ZFAND1: variants seen among roughly 807,000 people sequenced by gnomAD.
ZFAND1 encodes zinc finger AN1-type containing 1.
In ZFAND1, 40 loss-of-function variants were observed where a neutral mutation model predicts 38.5. That is an observed-to-expected ratio of 1.04 (90% CI 0.81 to 1.35). The LOEUF (loss-of-function observed/expected upper bound fraction) is 1.35, where lower values mean the gene tolerates loss of function less well. ZFAND1 is among the 40% of genes most tolerant of loss of function. ZFAND1 has a pLI of 0.00. For missense variants in ZFAND1, 346 were observed against 316.3 expected (o/e 1.09, Z -0.71); for synonymous variants, 117 against 103.6 (o/e 1.13, Z -0.78).
intron 6 of ZFAND1, among the ~76,000 whole-genome samples, chr8:81,703,575 A>G (rs147455251): frequency 8.5e-5 from 13 of 152,294 alleles, no homozygotes; most frequent in African/African-American, 3.1e-4. Flanking sequence ...GGCACGTGCC[A>G]CCAGGCCCAG....
rs577008914 is a variant in ZFAND1, at chr8:81,703,210, G to A, written c.481-86C>T. 1.1e-5 allele frequency: 11 copies of A among 960,920 alleles called. No homozygotes were observed. In the South Asian group the frequency reaches 2.4e-4, roughly 21 times the overall value. The allele number at this position is 960,920 out of a possible 1,614,324, so 59.5% of individuals were successfully genotyped here. A position where few individuals can be genotyped will look rare whatever the true frequency, so the allele number is the denominator to read the frequency against. On this transcript the variant is annotated intron_variant, in intron 6 of 7. Transcript: ENST00000220669. Reference sequence around the variant, plus strand: ...TGGTGCCAACCGTTCCTCTCTTCTGGTCAGAGCAGAATTACCTTCTAACAA... The same window carrying A: ...TGGTGCCAACCGTTCCTCTCTTCTGATCAGAGCAGAATTACCTTCTAACAA...
chr8:81,708,268 A>AG (rs60820897), intron 6 of ZFAND1, among the ~76,000 whole-genome samples: 3 of 150,220 alleles, frequency 2.0e-5, no homozygotes, highest in Admixed American at 1.3e-4. Flanking sequence ...AAAAAAAAAA[A>AG]GGCTAATGCA....
chr8:81,718,873 T>C (rs1249820783), intron 1 of ZFAND1, among the ~76,000 whole-genome samples: 4 of 151,760 alleles, frequency 2.6e-5, no homozygotes, highest in Non-Finnish European at 4.4e-5. Context: ...TCTATATATG[T>C]ATGTAAATAA....
chr8:81,720,887 A>AAT, intron 1 of ZFAND1: 2 of 421,302 alleles, frequency 4.7e-6, no homozygotes, highest in Non-Finnish European at 8.6e-6. Context: ...CCTTCCAAGG[A>AAT]GACCACACGT....
chr8:81,717,306 A>C lies in ZFAND1; in HGVS notation c.99-18T>G. On this transcript the variant is annotated intron_variant, in intron 2 of 7. Transcript: ENST00000220669. ...GTTCAAGGCTTAAATAATAATAGCA[A>C]GTGTTTATTTAAATAACATACTTAA... The C allele has an allele frequency of 2.0e-6, 3 of 1,512,128 alleles. No individual in the cohort carries two copies. The highest frequency in any genetic ancestry group is 2.6e-6 in the Non-Finnish European group (3 of 1,138,910). The allele number at this position is 1,512,128 out of a possible 1,614,324, so 93.7% of individuals were successfully genotyped here. A position where few individuals can be genotyped will look rare whatever the true frequency, so the allele number is the denominator to read the frequency against.
chr8:81,710,096 T>C (rs577085036), intron 6 of ZFAND1, among the ~76,000 whole-genome samples: 3 of 152,314 alleles, frequency 2.0e-5, no homozygotes, highest in South Asian at 2.1e-4. Context: ...CTCTACAATG[T>C]AGGAATTTAA....
intron 2 of ZFAND1, 67 bp downstream of exon 2, chr8:81,718,115 T>C: frequency 7.8e-7 from 1 of 1,275,734 alleles, no homozygotes; most frequent in South Asian, 1.4e-5. Flanking sequence ...ATTCTACTTT[T>C]CAGAAATAAC....
At position 81,717,287 on chromosome 8, in the gene ZFAND1, G is replaced by A; in HGVS notation, c.100C>T (p.Leu34Phe). The change falls in exon 3 of 8, where the codon CTT (leucine) becomes TTT (phenylalanine). Residue 34 changes from leucine to phenylalanine, a missense_variant and splice_region_variant. Transcript: ENST00000220669. ...VCDDCSGIFCLEHRSRESHGC... is the reference protein window; with the variant it reads ...VCDDCSGIFCFEHRSRESHGC... Reference sequence around the variant, plus strand: ...TGAGACTCCCTGCTTCTGTGTTCAAGGCTTAAATAATAATAGCAAGTGTTT... The same window carrying A: ...TGAGACTCCCTGCTTCTGTGTTCAAAGCTTAAATAATAATAGCAAGTGTTT... 2 of 1,523,982 alleles carry A rather than the reference G, an allele frequency of 1.3e-6. No homozygotes were observed. The highest frequency in any genetic ancestry group is 8.7e-7 in the Non-Finnish European group (1 of 1,146,020). 94.4% of individuals were successfully genotyped at this position (1,523,982 alleles called of 1,614,324 possible). A position where few individuals can be genotyped will look rare whatever the true frequency, so the allele number is the denominator to read the frequency against.
At chr8:81,711,772 T>C (rs1411912322) in intron 6 of ZFAND1, among the ~76,000 whole-genome samples, 13 of 152,090 alleles carry the variant, frequency 8.5e-5, no homozygotes, top group Admixed American at 8.5e-4. Flanking sequence ...AAACAGTTTT[T>C]TGGAAAAATA....
At chr8:81,704,961 T>A (rs112204592) in intron 6 of ZFAND1, among the ~76,000 whole-genome samples, 38 of 151,808 alleles carry the variant, frequency 2.5e-4, no homozygotes, top group African/African-American at 8.9e-4. Context: ...TCTTTTTTTT[T>A]TAAAAAAGAT....
chr8:81,709,014 C>A (rs1205041796), intron 6 of ZFAND1, among the ~76,000 whole-genome samples: 1 of 152,060 alleles, frequency 6.6e-6, no homozygotes, highest in African/African-American at 2.4e-5. Context: ...ATATGCGTAC[C>A]ATTTGACACA....
rs764819894 is a variant in ZFAND1, at chr8:81,702,850, GAC to G, written c.650_651del (p.Cys217SerfsTer20). On this transcript the variant is annotated frameshift_variant, in exon 8 of 8. Transcript: ENST00000220669. LOFTEE classifies it high-confidence loss of function. ...GGTAAGGCTTCTCCTGAAGTAATGT[GAC>G]ACAGCCTTAATTTCTGTGAAGGGAG... Reference protein sequence around the residue: ...NKFTAKKLRLCHITSGEALPL... With the variant: ...NKFTAKKLRLXHITSGEALPL... The G allele has an allele frequency of 8.2e-6, 13 of 1,591,006 alleles. No individual in the cohort carries two copies. In the South Asian group the frequency reaches 1.2e-4, roughly 14 times the overall value.
intron 3 of ZFAND1, among the ~76,000 whole-genome samples, chr8:81,715,626 A>T (rs905106684): frequency 6.6e-6 from 1 of 151,966 alleles, no homozygotes; most frequent in African/African-American, 2.4e-5. Flanking sequence ...ATACTCCACT[A>T]CAGGAAGAAA....
chr8:81,710,997 T>A (rs1455450666), intron 6 of ZFAND1, among the ~76,000 whole-genome samples: 1 of 152,184 alleles, frequency 6.6e-6, no homozygotes, highest in African/African-American at 2.4e-5. Context: ...AAATAATTGG[T>A]ACAATTGGGT....
chr8:81,703,082 T>C lies in ZFAND1; in HGVS notation c.523A>G (p.Lys175Glu), dbSNP rs1807861714. ...YFQVFLPKGSKEKSKPMFFCH... is the reference protein window; with the variant it reads ...YFQVFLPKGSEEKSKPMFFCH... ...AAGAACATTGGTTTGCTCTTCTCTT[T>C]GCTCCCTTTAGGTAAGAAAACCTGA... is the stretch of plus-strand genomic sequence containing the variant. The change falls in exon 7 of 8, where the codon AAA becomes GAA. Residue 175 changes from lysine (K) to glutamate (E), a missense_variant. Lys to Glu is a moderately conservative substitution (Grantham distance 56). Coordinates refer to ENST00000220669, the MANE Select transcript of ZFAND1 (RefSeq NM_024699.3). 4 of 1,570,134 alleles carry C rather than the reference T, an allele frequency of 2.5e-6. No homozygotes were observed. Among genetic ancestry groups the C allele is most frequent in the African/African-American group, 1.4e-5 (1 of 73,654 alleles).
intron 6 of ZFAND1, among the ~76,000 whole-genome samples, chr8:81,707,672 T>C (rs1200714723): frequency 6.6e-6 from 1 of 152,222 alleles, no homozygotes; most frequent in Admixed American, 6.5e-5. Context: ...TGATCAGATA[T>C]AGAACATTCT....
chr8:81,704,793 G>T (rs1048176930), intron 6 of ZFAND1, among the ~76,000 whole-genome samples: 15 of 152,060 alleles, frequency 9.9e-5, no homozygotes, highest in African/African-American at 3.4e-4. Flanking sequence ...AAGACCAGTG[G>T]GGTGTGTTAT....
chr8:81,713,360 T>A (rs1808200597), intron 6 of ZFAND1, among the ~76,000 whole-genome samples: 1 of 152,248 alleles, frequency 6.6e-6, no homozygotes, highest in East Asian at 1.9e-4. Flanking sequence ...CCTGACCTCA[T>A]GATCCACCCA....
At chr8:81,711,287 C>T (rs978678530) in intron 6 of ZFAND1, among the ~76,000 whole-genome samples, 49 of 152,030 alleles carry the variant, frequency 3.2e-4, no homozygotes, top group African/African-American at 1.2e-3. Context: ...TGGTGCATGC[C>T]TGTAATCCCA....
Sources: allele counts gnomAD v4.1 joint callset (sites outside exome capture counted in the v4.1 genomes callset), GRCh38; gene constraint gnomAD v4.1.1; transcripts MANE v1.5; gene names NCBI Gene and HGNC (gene_info 2026-07-23, HGNC 2026-07-21).